NALF1: variants seen among roughly 807,000 people sequenced by gnomAD.
NALF1 encodes the protein NALCN channel auxiliary factor 1, also known as family with sequence similarity 155 member A.
In NALF1, 3 loss-of-function variants were observed where a neutral mutation model predicts 48.4. The observed-to-expected ratio is 0.06, with a 90% CI of 0.03 to 0.16. The LOEUF (loss-of-function observed/expected upper bound fraction) is 0.16, where lower values mean the gene tolerates loss of function less well. NALF1 is among the 10% of genes least tolerant of loss of function. The pLI is 1.00. For missense variants in NALF1, 526 were observed against 571.5 expected (o/e 0.92, Z 0.81); for synonymous variants, 262 against 245.7 (o/e 1.07, Z -0.62).
chr13:107,343,041 T>C lies in NALF1; in HGVS notation c.916-132286A>G, dbSNP rs1272910723. Among the ~76,000 whole-genome samples, 3 of 152,154 alleles carry C rather than the reference T, an allele frequency of 2.0e-5. No individual in the cohort carries two copies. The East Asian group carries it at 5.8e-4, about 29-fold the overall frequency. The stretch of plus-strand genomic sequence containing the variant: ...CAACCAATTGAACTTAACAGACATG[T>C]ATAAAACACTCTACCCCATAAAAGC... On this transcript the variant is annotated intron_variant, in intron 1 of 2. Transcript: ENST00000375915.
intron 1 of NALF1, among the ~76,000 whole-genome samples, chr13:107,601,414 A>G (rs1210184699): frequency 6.6e-6 from 1 of 152,212 alleles, no homozygotes; most frequent in Admixed American, 6.5e-5. Context: ...TTCTTGAGAT[A>G]TGTATCCAAC....
chr13:107,500,650 C>A lies in NALF1; in HGVS notation c.916-289895G>T, dbSNP rs555125692. 2.6e-5 allele frequency among the ~76,000 whole-genome samples: 4 copies of A among 151,122 alleles called. No individual in the cohort carries two copies. In the East Asian group the frequency reaches 7.8e-4, roughly 29 times the overall value. ...AATCATGCTGCTATAAAGACACATG[C>A]ACACGTATGTTTATTGTGGCACTAT... On this transcript the variant is annotated intron_variant, in intron 1 of 2. Transcript: ENST00000375915.
intron 1 of NALF1, among the ~76,000 whole-genome samples, chr13:107,317,430 C>G (rs780788097): frequency 3.9e-5 from 6 of 152,116 alleles, no homozygotes; most frequent in Non-Finnish European, 7.4e-5. Flanking sequence ...AATATCCTAA[C>G]AATTTTACAT....
chr13:107,634,778 A>T (rs766343879), intron 1 of NALF1, among the ~76,000 whole-genome samples: 1 of 152,114 alleles, frequency 6.6e-6, no homozygotes, highest in Non-Finnish European at 1.5e-5. Context: ...AAGAAGGAAG[A>T]CAGACAGACC....
At chr13:107,522,213 C>T (rs1417335902) in intron 1 of NALF1, among the ~76,000 whole-genome samples, 1 of 152,132 alleles carries the variant, frequency 6.6e-6, no homozygotes, top group Non-Finnish European at 1.5e-5. Context: ...TATGTTCCCT[C>T]TTAATGCTAT....
chr13:107,731,976 A>C (rs1446438966), intron 1 of NALF1, among the ~76,000 whole-genome samples: 1 of 152,180 alleles, frequency 6.6e-6, no homozygotes, highest in African/African-American at 2.4e-5. Context: ...TGTATGATGA[A>C]GAACAAGCAA....
chr13:107,324,827 C>T (rs1352322968), intron 1 of NALF1, among the ~76,000 whole-genome samples: 3 of 152,172 alleles, frequency 2.0e-5, no homozygotes, highest in South Asian at 2.1e-4. Context: ...TGATATGTGA[C>T]AGTTATGCCA....
At chr13:107,533,022 T>C (rs1324338631) in intron 1 of NALF1, among the ~76,000 whole-genome samples, 2 of 152,130 alleles carry the variant, frequency 1.3e-5, no homozygotes, top group African/African-American at 4.8e-5. Context: ...AAACATCATT[T>C]AGAAACCAGA....
chr13:107,833,162 C>T (rs1879791636), intron 1 of NALF1, among the ~76,000 whole-genome samples: 2 of 151,988 alleles, frequency 1.3e-5, no homozygotes, highest in Non-Finnish European at 2.9e-5. Flanking sequence ...TTTAGCATAC[C>T]ACTTTGAACA....
intron 1 of NALF1, among the ~76,000 whole-genome samples, chr13:107,715,492 G>A (rs924125171): frequency 1.3e-4 from 20 of 152,240 alleles, no homozygotes; most frequent in Admixed American, 4.6e-4. Context: ...GTGAGCCACC[G>A]TCCCCGGCCT....
chr13:107,336,897 T>C (rs2138929674), intron 1 of NALF1, among the ~76,000 whole-genome samples: 1 of 152,222 alleles, frequency 6.6e-6, no homozygotes, highest in South Asian at 2.1e-4. Context: ...TTCTAATCAA[T>C]ATTAATCCAT....
intron 1 of NALF1, among the ~76,000 whole-genome samples, chr13:107,433,403 T>C (rs1307742932): frequency 6.6e-6 from 1 of 152,134 alleles, no homozygotes; most frequent in Non-Finnish European, 1.5e-5. Flanking sequence ...ACAGATTTGG[T>C]TTCTAGGGTG....
In NALF1 at chr13:107,288,613, C is replaced by G. The variant is rs141385212; in HGVS notation, c.916-77858G>C. Among the ~76,000 whole-genome samples, 3 of 149,774 alleles carry G rather than the reference C, an allele frequency of 2.0e-5. No homozygotes were observed. In the East Asian group the frequency reaches 5.9e-4, roughly 30 times the overall value. ...ATGGTGCGATCTCTGCTCCCTGCAA[C>G]CTCCGCCTCCTCAGTTCAAGCGATT... On this transcript the variant is annotated intron_variant, in intron 1 of 2. Transcript: ENST00000375915.
chr13:107,799,006 T>C (rs73585687), intron 1 of NALF1, among the ~76,000 whole-genome samples: 1,973 of 152,286 alleles, frequency 0.013, 40 homozygotes, highest in African/African-American at 0.045. Context: ...TACTGAGCCT[T>C]AGAGAGCCCT....
chr13:107,484,208 A>G (rs1885294051), intron 1 of NALF1, among the ~76,000 whole-genome samples: 1 of 152,202 alleles, frequency 6.6e-6, no homozygotes, highest in Non-Finnish European at 1.5e-5. Context: ...CCAATATTTC[A>G]ATATATTGCA....
chr13:107,782,796 G>A (rs1199162858), intron 1 of NALF1, among the ~76,000 whole-genome samples: 1 of 151,754 alleles, frequency 6.6e-6, no homozygotes, highest in Non-Finnish European at 1.5e-5. Flanking sequence ...CATCTGAGAA[G>A]GGAGGAGCCC....
chr13:107,459,270 C>G lies in NALF1; in HGVS notation c.916-248515G>C, dbSNP rs530782655. Among the ~76,000 whole-genome samples the G allele has an allele frequency of 2.6e-5, 4 of 152,152 alleles. No individual in the cohort carries two copies. In the East Asian group the frequency reaches 7.7e-4, roughly 29 times the overall value. The stretch of plus-strand genomic sequence containing the variant: ...GGGGTTTTTAAGATCAGAACAGACA[C>G]CTCATCAGAGAAGATATACAAAAGG... On this transcript the variant is annotated intron_variant, in intron 1 of 2. Transcript: ENST00000375915.
chr13:107,758,638 G>A (rs958440430), intron 1 of NALF1, among the ~76,000 whole-genome samples: 2 of 152,012 alleles, frequency 1.3e-5, no homozygotes, highest in Non-Finnish European at 2.9e-5. Flanking sequence ...GGAGAATGGC[G>A]TGAACCCGGG....
At chr13:107,732,724 T>A (rs7331688) in intron 1 of NALF1, among the ~76,000 whole-genome samples, 5,743 of 152,258 alleles carry the variant, frequency 0.038, 111 homozygotes, top group Non-Finnish European at 0.045. Flanking sequence ...ATCTGTAGGT[T>A]TCTCTTATAT....
Sources: gnomAD v4.1 joint callset for allele counts (sites outside exome capture counted in the v4.1 genomes callset) on GRCh38, gnomAD v4.1.1 for gene constraint, MANE v1.5 for transcripts, NCBI Gene and HGNC (gene_info 2026-07-23, HGNC 2026-07-21) for gene names.